DNAH9: variants seen among roughly 807,000 people sequenced by gnomAD.
DNAH9 encodes the protein DNAH9 variant protein.
Under a neutral mutation model 471.6 loss-of-function variants are expected in DNAH9, and 345 were observed. That is an observed-to-expected ratio of 0.73 (90% CI 0.67 to 0.80). DNAH9 has a LOEUF of 0.80. DNAH9 is among the 30% of genes least tolerant of loss of function. The pLI is 0.00. For missense variants in DNAH9, 5,407 were observed against 5,609.2 expected (o/e 0.96, Z 1.15); for synonymous variants, 2,093 against 2,123.6 (o/e 0.99, Z 0.40).
At chr17:11,722,867 T>C (rs960458060) in intron 27 of DNAH9, among the ~76,000 whole-genome samples, 7 of 152,212 alleles carry the variant, frequency 4.6e-5, no homozygotes. Context: ...AATTTGGAGA[T>C]GCTATTGCAG....
chr17:11,686,297 C>T (rs1334004208), intron 19 of DNAH9, among the ~76,000 whole-genome samples: 4 of 152,086 alleles, frequency 2.6e-5, no homozygotes, highest in Non-Finnish European at 4.4e-5. Context: ...GCATGAGCGC[C>T]GTATTTTCAT....
chr17:11,892,728 A>G lies in DNAH9; in HGVS notation c.11283+781A>G, dbSNP rs917531711. 2.0e-5 allele frequency among the ~76,000 whole-genome samples: 3 copies of G among 151,710 alleles called. No homozygotes were observed. The highest frequency in any genetic ancestry group is 4.4e-5 in the Non-Finnish European group (3 of 67,950). On this transcript the variant is annotated intron_variant, in intron 58 of 68. Transcript: ENST00000262442. The surrounding 1 kb of genome is among the most constrained non-coding windows in gnomAD (Gnocchi z 4.3). The stretch of plus-strand genomic sequence containing the variant: ...ACCAGGCCCAGCGAATTTTTTTTGT[A>G]TTTTAAGTAGAGATGGGGTTTCACC...
At chr17:11,834,347 AAAG>A (rs1171351727) in intron 48 of DNAH9, among the ~76,000 whole-genome samples, 2 of 148,920 alleles carry the variant, frequency 1.3e-5, no homozygotes, top group Non-Finnish European at 3.0e-5. Context: ...AAAAAAAAAA[AAAG>A]AAGAAGAAGA....
At chr17:11,854,991 G>A (rs1321942273) in intron 50 of DNAH9, among the ~76,000 whole-genome samples, 1 of 152,202 alleles carries the variant, frequency 6.6e-6, no homozygotes, top group Non-Finnish European at 1.5e-5. Context: ...TGGAGATGGG[G>A]ATGGTGATCT....
intron 67 of DNAH9, among the ~76,000 whole-genome samples, chr17:11,953,713 C>T (rs370574981): frequency 1.5e-4 from 21 of 143,464 alleles, no homozygotes; most frequent in African/African-American, 4.5e-4. Flanking sequence ...GAGTGGAGAT[C>T]GCCACTGCAC....
chr17:11,658,750 G>A (rs1189277034), intron 14 of DNAH9, among the ~76,000 whole-genome samples: 4 of 151,926 alleles, frequency 2.6e-5, no homozygotes, highest in African/African-American at 9.7e-5. Flanking sequence ...CATCTCCTGA[G>A]GTGGTTATAT....
chr17:11,787,175 GGAA>G (rs1351744426), intron 41 of DNAH9, among the ~76,000 whole-genome samples: 1 of 152,208 alleles, frequency 6.6e-6, no homozygotes, highest in African/African-American at 2.4e-5. Flanking sequence ...GCCACGTGGT[GGAA>G]GAAGATTTCT....
intron 49 of DNAH9, among the ~76,000 whole-genome samples, chr17:11,836,617 C>G (rs149311689): frequency 0.012 from 1,834 of 152,296 alleles, 32 homozygotes; most frequent in African/African-American, 0.04. Flanking sequence ...CAACACTCTG[C>G]TCACCTGTAG....
intron 6 of DNAH9, among the ~76,000 whole-genome samples, chr17:11,627,113 G>A (rs1235224435): frequency 6.6e-6 from 1 of 152,186 alleles, no homozygotes; most frequent in Non-Finnish European, 1.5e-5. Flanking sequence ...TTCCACAGAA[G>A]GGTGAGGAAA....
At chr17:11,935,372 GA>G (rs1974672234) in intron 65 of DNAH9, among the ~76,000 whole-genome samples, 1 of 119,686 alleles carries the variant, frequency 8.4e-6, no homozygotes, top group Non-Finnish European at 1.8e-5. Context: ...CATTCCAAAA[GA>G]TTTTTTTTTT....
At chr17:11,742,077 C>T in intron 29 of DNAH9, 98 bp from the exon 30 acceptor site, 1 of 1,109,252 alleles carries the variant, frequency 9.0e-7, no homozygotes, top group South Asian at 1.4e-5. Context: ...TCACAGATGC[C>T]TCCATGTGTG....
At chr17:11,780,534 C>A (rs761244882) in intron 38 of DNAH9, among the ~76,000 whole-genome samples, 16 of 152,168 alleles carry the variant, frequency 1.1e-4, no homozygotes, top group Non-Finnish European at 2.2e-4. Context: ...AGTACCTGGC[C>A]TTGGGACTGT....
chr17:11,712,623 T>G (rs1361248157), intron 26 of DNAH9, among the ~76,000 whole-genome samples: 1 of 152,164 alleles, frequency 6.6e-6, no homozygotes, highest in Non-Finnish European at 1.5e-5. Flanking sequence ...TTCTGGTGGC[T>G]GTTAAGTAAT....
At chr17:11,863,585 C>T (rs1971936277) in intron 50 of DNAH9, among the ~76,000 whole-genome samples, 1 of 151,716 alleles carries the variant, frequency 6.6e-6, no homozygotes, top group African/African-American at 2.4e-5. Context: ...GGAATAGTTT[C>T]TGAAGGAATG....
chr17:11,717,668 C>A (rs577782030), intron 26 of DNAH9, among the ~76,000 whole-genome samples: 1 of 152,128 alleles, frequency 6.6e-6, no homozygotes, highest in Non-Finnish European at 1.5e-5. Flanking sequence ...CCTTAAAGTT[C>A]ACCCATTGCA....
chr17:11,899,903 G>A (rs556400115), intron 59 of DNAH9, among the ~76,000 whole-genome samples: 1 of 152,252 alleles, frequency 6.6e-6, no homozygotes, highest in African/African-American at 2.4e-5. Context: ...CGTACAAAGA[G>A]GCCTACAAAA....
chr17:11,907,003 G>A (rs537348578), intron 61 of DNAH9, among the ~76,000 whole-genome samples: 73 of 152,218 alleles, frequency 4.8e-4, no homozygotes, highest in African/African-American at 1.7e-3. Context: ...ATGTACCACT[G>A]AACTTAAAAT....
chr17:11,739,131 T>C, intron 29 of DNAH9, 94 bp downstream of exon 29: 1 of 1,241,716 alleles, frequency 8.1e-7, no homozygotes, highest in Non-Finnish European at 1.1e-6. Flanking sequence ...TAAAGAAAAT[T>C]TGGAACATTT....
chr17:11,891,544 T>C (rs1973048725), intron 57 of DNAH9, among the ~76,000 whole-genome samples: 1 of 152,154 alleles, frequency 6.6e-6, no homozygotes, highest in Non-Finnish European at 1.5e-5. Flanking sequence ...TTTGTGCTTT[T>C]AGTAGAAACA....
Sources: allele counts gnomAD v4.1 joint callset (sites outside exome capture counted in the v4.1 genomes callset), GRCh38; gene constraint gnomAD v4.1.1; non-coding constraint Gnocchi (gnomAD v3.1); transcripts MANE v1.5; gene names NCBI Gene and HGNC (gene_info 2026-07-23, HGNC 2026-07-21).